GRAMD2A: variants seen among roughly 807,000 people sequenced by gnomAD.
GRAMD2A encodes the protein GRAM domain-containing protein 2A.
In GRAMD2A, 37 loss-of-function variants were observed where a neutral mutation model predicts 51.1. The ratio of observed to expected loss-of-function variants is 0.72; its 90% confidence interval spans 0.56 to 0.95. GRAMD2A has a LOEUF of 0.95. GRAMD2A is among the 40% of genes least tolerant of loss of function. GRAMD2A has a pLI of 0.00. For missense variants in GRAMD2A, 414 were observed against 426.9 expected, an observed-to-expected ratio of 0.97 and a Z score of 0.27; for synonymous variants, 136 against 157.1, an observed-to-expected ratio of 0.87 and a Z score of 1.01.
chr15:72,177,581 T>C (rs2081663490), intron 1 of GRAMD2A, among the ~76,000 whole-genome samples: 1 of 152,280 alleles, frequency 6.6e-6, no homozygotes, highest in South Asian at 2.1e-4. Context: ...GTTTTACTAC[T>C]GATGGACATT....
chr15:72,165,554 G>T (rs1398759386), intron 7 of GRAMD2A, 144 bp from the exon 8 acceptor site: 2 of 735,702 alleles, frequency 2.7e-6, no homozygotes, highest in East Asian at 5.4e-5. Context: ...AGGGTCTATA[G>T]GGGGCCCCCT....
Position 72,167,110 on chromosome 15 carries a change from G to A in GRAMD2A, c.373-18C>T. The A allele has an allele frequency of 6.4e-7, 1 of 1,561,592 alleles. No individual in the cohort carries two copies. Among genetic ancestry groups the A allele is most frequent in the Non-Finnish European group, 8.8e-7 (1 of 1,131,730 alleles). ...ATGACCACCTGAGAGGGAGAGGGAT[G>A]CTTCTCTCAGGACTAACCCCCAAGG... On this transcript the variant is annotated intron_variant, in intron 5 of 11. Transcript: ENST00000309731.
At position 72,190,379 on chromosome 15, in the gene GRAMD2A, A is replaced by C. The variant is rs1156635402; in HGVS notation, c.41+7352T>G. Among the ~76,000 whole-genome samples, 5 of 149,290 alleles carry C rather than the reference A, an allele frequency of 3.3e-5. No homozygotes were observed. In the East Asian group the frequency reaches 7.8e-4, roughly 23 times the overall value. On this transcript the variant is annotated intron_variant, in intron 1 of 11. Transcript: ENST00000309731. Reference sequence around the variant, plus strand: ...GGGCGACAGAGTGAGATTCTGTCTAAAAAAAAAAAGGTTCTTCCCAATACC... The same window carrying C: ...GGGCGACAGAGTGAGATTCTGTCTACAAAAAAAAAGGTTCTTCCCAATACC...
At chr15:72,167,420 G>A (rs1341307179) in intron 5 of GRAMD2A, among the ~76,000 whole-genome samples, 4 of 152,256 alleles carry the variant, frequency 2.6e-5, no homozygotes, top group Non-Finnish European at 2.9e-5. Flanking sequence ...CACAGCTAGG[G>A]CTCCGCCTAA....
chr15:72,170,238 G>A lies in GRAMD2A; in HGVS notation c.42-299C>T. On this transcript the variant is annotated intron_variant, in intron 1 of 11. Transcript: ENST00000309731. This position sits in a 1 kb window ranked among gnomAD's most constrained non-coding sequence, Gnocchi z 4.5. Reference sequence around the variant, plus strand: ...ATCTCCAGTGCCAGGCAGCTCGTAGGCCAGGCTGAGTGAGGCCTCTAGCCC... The same window carrying A: ...ATCTCCAGTGCCAGGCAGCTCGTAGACCAGGCTGAGTGAGGCCTCTAGCCC... The A allele has an allele frequency of 1.9e-6, 1 of 538,022 alleles. No individual in the cohort carries two copies. Among genetic ancestry groups the A allele is most frequent in the Non-Finnish European group, 3.6e-6 (1 of 280,764 alleles). The allele number at this position is 538,022 out of a possible 1,614,324, so 33.3% of individuals were successfully genotyped here. A position where few individuals can be genotyped will look rare whatever the true frequency, so the allele number is the denominator to read the frequency against.
intron 1 of GRAMD2A, among the ~76,000 whole-genome samples, chr15:72,196,626 A>G (rs1232057338): frequency 6.6e-6 from 1 of 152,210 alleles, no homozygotes; most frequent in African/African-American, 2.4e-5. Flanking sequence ...TTGCTCTGAA[A>G]GGAGCCAGAC....
intron 1 of GRAMD2A, among the ~76,000 whole-genome samples, chr15:72,183,529 A>G (rs2140557205): frequency 6.9e-6 from 1 of 145,038 alleles, no homozygotes; most frequent in Non-Finnish European, 1.5e-5. Flanking sequence ...AAAAACAACA[A>G]CAACAACAAC....
intron 1 of GRAMD2A, among the ~76,000 whole-genome samples, chr15:72,193,464 C>T (rs1251853598): frequency 3.3e-5 from 5 of 151,820 alleles, no homozygotes; most frequent in African/African-American, 1.2e-4. Context: ...GCGATCCACC[C>T]GCCTCAGCCC....
Position 72,166,575 on chromosome 15 carries a change from A to T in GRAMD2A, c.543+57T>A. On this transcript the variant is annotated intron_variant, in intron 7 of 11. Coordinates refer to ENST00000309731, the MANE Select transcript of GRAMD2A (RefSeq NM_001012642.3). This position sits in a 1 kb window ranked among gnomAD's most constrained non-coding sequence, Gnocchi z 4.1. ...CGACCTCCCCCAACACCCTTGTGCA[A>T]GACCTGCATCCAGGCCTGAGCGACT... 7.6e-7 allele frequency: 1 copy of T among 1,314,828 alleles called. No individual in the cohort carries two copies. The highest frequency in any genetic ancestry group is 1.1e-6 in the Non-Finnish European group (1 of 909,424). 81.4% of individuals were successfully genotyped at this position (1,314,828 alleles called of 1,614,324 possible). A position where few individuals can be genotyped will look rare whatever the true frequency, so the allele number is the denominator to read the frequency against.
At chr15:72,164,553 G>A (rs1212848373) in intron 8 of GRAMD2A, among the ~76,000 whole-genome samples, 5 of 151,928 alleles carry the variant, frequency 3.3e-5, no homozygotes, top group East Asian at 1.9e-4. Context: ...CTACAGGTAC[G>A]TGCCAACATG....
intron 1 of GRAMD2A, 38 bp downstream of exon 1, chr15:72,197,693 G>C: frequency 7.8e-7 from 1 of 1,282,922 alleles, no homozygotes; most frequent in African/African-American, 1.6e-5. Flanking sequence ...GCGGCCTCCG[G>C]AACCCCCGAG....
At position 72,174,466 on chromosome 15, in the gene GRAMD2A, C is replaced by G. The variant is rs114013466; in HGVS notation, c.42-4527G>C. 5.6e-3 allele frequency among the ~76,000 whole-genome samples: 857 copies of G among 152,298 alleles called. 12 individuals are homozygous for G. Among genetic ancestry groups the G allele is most frequent in the African/African-American group, 0.02 (811 of 41,542 alleles). The stretch of plus-strand genomic sequence containing the variant: ...TCTGTCCCATCCAGTCCCGTCCCAT[C>G]CCCATGCCCCAGCTGTGGAATTCAT... On this transcript the variant is annotated intron_variant, in intron 1 of 11. Coordinates refer to ENST00000309731, the MANE Select transcript of GRAMD2A (RefSeq NM_001012642.3).
At chr15:72,189,931 T>C (rs2081756430) in intron 1 of GRAMD2A, among the ~76,000 whole-genome samples, 1 of 152,142 alleles carries the variant, frequency 6.6e-6, no homozygotes. Context: ...GTGTTATCCA[T>C]ATCAAGAAAC....
At chr15:72,171,349 T>A (rs769751040) in intron 1 of GRAMD2A, among the ~76,000 whole-genome samples, 2 of 151,890 alleles carry the variant, frequency 1.3e-5, no homozygotes, top group Non-Finnish European at 2.9e-5. Context: ...AAGATCAAAA[T>A]CACCTAAAGA....
In GRAMD2A at chr15:72,165,392, G is replaced by A. The variant is rs368709154; in HGVS notation, c.562C>T (p.Leu188=). The change falls in exon 8 of 12, where the codon CTG becomes TTG. Residue 188 remains leucine, a synonymous_variant. Transcript: ENST00000309731. Reference sequence around the variant, plus strand: ...TCCCCTGAAAATTCTCTTACACTCAGACTCTTCTTGCTGGAAGGCTGAGGA... The same window carrying A: ...TCCCCTGAAAATTCTCTTACACTCAAACTCTTCTTGCTGGAAGGCTGAGGA... ...THLQPSSKKS[L]SVREFSGEPE... is the part of the protein sequence containing the mutation. The A allele has an allele frequency of 3.7e-6, 6 of 1,613,958 alleles. No homozygotes were observed. In the African/African-American group the frequency reaches 8.0e-5, roughly 22 times the overall value.
chr15:72,166,786 A>T lies in GRAMD2A; in HGVS notation c.472-83T>A. ...CAGCCAGCCCCCTTGTGGATTGGGCACAGGCCCACAGGGGTATCAGGCCAT... is the reference window on the plus strand; with the variant it reads ...CAGCCAGCCCCCTTGTGGATTGGGCTCAGGCCCACAGGGGTATCAGGCCAT... On this transcript the variant is annotated intron_variant, in intron 6 of 11. Transcript: ENST00000309731. This position sits in a 1 kb window ranked among gnomAD's most constrained non-coding sequence, Gnocchi z 4.1. 1 of 1,196,430 alleles carries T rather than the reference A, an allele frequency of 8.4e-7. No homozygotes were observed. The highest frequency in any genetic ancestry group is 1.5e-5 in the African/African-American group (1 of 66,938). 74.1% of individuals were successfully genotyped at this position (1,196,430 alleles called of 1,614,324 possible).
intron 1 of GRAMD2A, among the ~76,000 whole-genome samples, chr15:72,178,612 A>G (rs1303915491): frequency 1.6e-4 from 18 of 109,750 alleles, no homozygotes; most frequent in African/African-American, 4.8e-4. Context: ...GTCTTGCTCT[A>G]TCGCCCAGGC....
rs768021039 is a variant in GRAMD2A, at chr15:72,166,732, G to T, written c.472-29C>A. 5.0e-6 allele frequency: 8 copies of T among 1,589,352 alleles called. No homozygotes were observed. The highest frequency in any genetic ancestry group is 4.5e-5 in the East Asian group (2 of 44,760). On this transcript the variant is annotated intron_variant, in intron 6 of 11. Coordinates refer to ENST00000309731, the MANE Select transcript of GRAMD2A (RefSeq NM_001012642.3). The surrounding 1 kb of genome is among the most constrained non-coding windows in gnomAD (Gnocchi z 4.1). ...GGACATGGAAAGAAAACAGACAGGG[G>T]TAGGGTGAGATGAGACTCCTTGCTG...
Position 72,163,446 on chromosome 15 carries a change from T to A in GRAMD2A, c.776A>T (p.Asn259Ile), listed in dbSNP as rs1300696352. The A allele has an allele frequency of 2.5e-6, 4 of 1,614,142 alleles. No homozygotes were observed. Among genetic ancestry groups the A allele is most frequent in the Non-Finnish European group, 3.4e-6 (4 of 1,179,990 alleles). Residue 259 changes from asparagine to isoleucine, a missense_variant, in exon 10 of 12, where the codon AAT (asparagine) becomes ATT (isoleucine). Physicochemically the swap from Asn to Ile is moderately radical, Grantham distance 149. Transcript: ENST00000309731. ...EKSRAQVASE[N>I]GGRWAWPMPG... ...CATGGGCCATGCCCACCTCCCACCATTTTCTGAAGCTACTTGGGCTCTTGA... is the reference window on the plus strand; with the variant it reads ...CATGGGCCATGCCCACCTCCCACCAATTTCTGAAGCTACTTGGGCTCTTGA...
Sources: gnomAD v4.1 joint callset for allele counts (sites outside exome capture counted in the v4.1 genomes callset) on GRCh38, gnomAD v4.1.1 for gene constraint, Gnocchi (gnomAD v3.1) non-coding constraint, MANE v1.5 for transcripts, NCBI Gene and HGNC (gene_info 2026-07-23, HGNC 2026-07-21) for gene names.